Variants in SLC9A9 observed in about 807,000 individuals in gnomAD.
SLC9A9 encodes solute carrier family 9 member A9.
In SLC9A9, 62 loss-of-function variants were observed where a neutral mutation model predicts 77.8. The ratio of observed to expected loss-of-function variants is 0.80; its 90% CI spans 0.65 to 0.98. The LOEUF is 0.98. SLC9A9 is among the 50% of genes least tolerant of loss of function. SLC9A9 has a pLI of 0.00. For synonymous variants in SLC9A9, 320 were observed against 283.5 expected, an observed-to-expected ratio of 1.13 and a Z score of -1.29; for missense variants, 775 against 774.9, an observed-to-expected ratio of 1.00 and a Z score of 0.00.
intron 14 of SLC9A9, among the ~76,000 whole-genome samples, chr3:143,293,259 T>TTGTA (rs1161795901): frequency 6.6e-6 from 1 of 152,218 alleles, no homozygotes; most frequent in African/African-American, 2.4e-5. Flanking sequence ...AATGACCTAC[T>TTGTA]TGTATGCATT....
At chr3:143,574,252 G>T in intron 7 of SLC9A9, 59 bp from the exon 8 acceptor site, 1 of 1,379,712 alleles carries the variant, frequency 7.2e-7, no homozygotes, top group Non-Finnish European at 1.0e-6. Flanking sequence ...CTCCTTCTTG[G>T]CTGAGAATAA....
At chr3:143,712,285 T>C (rs115505938) in intron 4 of SLC9A9, among the ~76,000 whole-genome samples, 2,368 of 152,330 alleles carry the variant, frequency 0.016, 58 homozygotes, top group African/African-American at 0.055. Context: ...CCTGCTATTA[T>C]CAAGCTTGAT....
intron 12 of SLC9A9, among the ~76,000 whole-genome samples, chr3:143,456,711 C>A (rs1576510686): frequency 6.6e-6 from 1 of 151,742 alleles, no homozygotes; most frequent in South Asian, 2.1e-4. Flanking sequence ...ATTACAGGTG[C>A]CTGTCACCAT....
intron 14 of SLC9A9, among the ~76,000 whole-genome samples, chr3:143,318,793 C>A (rs907388916): frequency 1.3e-5 from 2 of 152,108 alleles, no homozygotes; most frequent in African/African-American, 4.8e-5. Flanking sequence ...ATCCTGGAGA[C>A]TTGTTGCATG....
chr3:143,448,598 T>G (rs577562428), intron 12 of SLC9A9, among the ~76,000 whole-genome samples: 192 of 152,010 alleles, frequency 1.3e-3, no homozygotes, highest in Admixed American at 3.9e-3. Flanking sequence ...GTGTTTAAGT[T>G]AATTCAACCT....
intron 12 of SLC9A9, among the ~76,000 whole-genome samples, chr3:143,418,813 A>C (rs927722353): frequency 6.6e-6 from 1 of 152,302 alleles, no homozygotes; most frequent in African/African-American, 2.4e-5. Flanking sequence ...ATTTCTTCCA[A>C]CATCCAGCAG....
At chr3:143,402,067 G>A (rs2033874732) in intron 12 of SLC9A9, among the ~76,000 whole-genome samples, 1 of 152,106 alleles carries the variant, frequency 6.6e-6, no homozygotes, top group African/African-American at 2.4e-5. Flanking sequence ...AGAACTGTAA[G>A]TGGAAGGAAG....
At chr3:143,847,131 T>C (rs2009847455) in intron 1 of SLC9A9, among the ~76,000 whole-genome samples, 2 of 152,178 alleles carry the variant, frequency 1.3e-5, no homozygotes, top group African/African-American at 4.8e-5. Flanking sequence ...ATATACAATG[T>C]GCATTGATCT....
intron 14 of SLC9A9, among the ~76,000 whole-genome samples, chr3:143,283,395 C>T (rs1398693032): frequency 1.3e-5 from 2 of 152,106 alleles, no homozygotes; most frequent in Non-Finnish European, 2.9e-5. Flanking sequence ...CTTGTTTGCC[C>T]TTATACTTTC....
At chr3:143,708,779 C>A (rs1490935274) in intron 4 of SLC9A9, among the ~76,000 whole-genome samples, 1 of 152,180 alleles carries the variant, frequency 6.6e-6, no homozygotes, top group African/African-American at 2.4e-5. Context: ...TACCCATTAC[C>A]CAGTCCTGCT....
intron 12 of SLC9A9, among the ~76,000 whole-genome samples, chr3:143,445,040 A>G (rs2108547990): frequency 6.6e-6 from 1 of 151,976 alleles, no homozygotes; most frequent in South Asian, 2.1e-4. Context: ...TGATCTTCTC[A>G]CCCCTTCAGG....
intron 12 of SLC9A9, among the ~76,000 whole-genome samples, chr3:143,414,675 G>A (rs1007236776): frequency 6.6e-6 from 1 of 152,150 alleles, no homozygotes; most frequent in African/African-American, 2.4e-5. Context: ...TGGTCCACTT[G>A]CTAGCTGTTT....
intron 4 of SLC9A9, among the ~76,000 whole-genome samples, chr3:143,771,984 G>A (rs2007535844): frequency 6.6e-6 from 1 of 151,720 alleles, no homozygotes; most frequent in Admixed American, 6.6e-5. Flanking sequence ...GCTGCGGCTG[G>A]GCAGATGAGT....
intron 14 of SLC9A9, among the ~76,000 whole-genome samples, chr3:143,340,425 G>A (rs747213401): frequency 6.6e-6 from 1 of 152,180 alleles, no homozygotes; most frequent in Non-Finnish European, 1.5e-5. Context: ...TAGAACACCT[G>A]CTTTGTGCCA....
At chr3:143,306,902 C>G (rs1436616234) in intron 14 of SLC9A9, among the ~76,000 whole-genome samples, 1 of 152,194 alleles carries the variant, frequency 6.6e-6, no homozygotes, top group East Asian at 1.9e-4. Context: ...TCTCTTCTTT[C>G]TTTCCTCCTG....
intron 14 of SLC9A9, among the ~76,000 whole-genome samples, chr3:143,275,537 A>C (rs1447808449): frequency 2.0e-5 from 3 of 151,960 alleles, no homozygotes; most frequent in Admixed American, 6.6e-5. Flanking sequence ...CTCTTGAATT[A>C]TTTTTATTTC....
intron 5 of SLC9A9, among the ~76,000 whole-genome samples, chr3:143,676,545 T>G (rs1384059345): frequency 6.6e-6 from 1 of 152,144 alleles, no homozygotes; most frequent in African/African-American, 2.4e-5. Flanking sequence ...GACACCATCC[T>G]GCTCAACATG....
chr3:143,501,343 G>A (rs1317089838), intron 9 of SLC9A9, among the ~76,000 whole-genome samples: 1 of 150,710 alleles, frequency 6.6e-6, no homozygotes, highest in Non-Finnish European at 1.5e-5. Context: ...ACATATCCAT[G>A]TAACTTTCAC....
intron 4 of SLC9A9, among the ~76,000 whole-genome samples, chr3:143,718,562 C>A (rs975801265): frequency 6.6e-6 from 1 of 152,166 alleles, no homozygotes; most frequent in Non-Finnish European, 1.5e-5. Context: ...GGAGCTGAAA[C>A]CCTCATGGAG....
Sources: allele counts gnomAD v4.1 joint callset (sites outside exome capture counted in the v4.1 genomes callset), GRCh38; gene constraint gnomAD v4.1.1; transcripts MANE v1.5; gene names NCBI Gene and HGNC (gene_info 2026-07-23, HGNC 2026-07-21).